SDK2: variants seen among roughly 807,000 people sequenced by gnomAD.
SDK2 encodes the protein protein sidekick-2.
Under a neutral mutation model 253.9 loss-of-function variants are expected in SDK2, and 105 were observed. The ratio of observed to expected loss-of-function variants is 0.41; its 90% confidence interval spans 0.35 to 0.49. The LOEUF is 0.49. Among genes scored for constraint, SDK2 ranks in the 20% least tolerant of loss-of-function variants. SDK2 has a pLI of 0.06. For synonymous variants in SDK2, 1,249 were observed against 1,234.9 expected (o/e 1.01, Z -0.24); for missense variants, 2,608 against 3,003.0 (o/e 0.87, Z 3.07).
At chr17:73,590,695 A>C (rs1442649141) in intron 1 of SDK2, among the ~76,000 whole-genome samples, 2 of 152,192 alleles carry the variant, frequency 1.3e-5, no homozygotes, top group African/African-American at 4.8e-5. Flanking sequence ...CCCTGGGCCC[A>C]TCCAGAACAT....
Position 73,401,780 on chromosome 17 carries a change from C to CA in SDK2, c.2681-29_2681-28insT, listed in dbSNP as rs200470291. 20 of 1,548,318 alleles carry CA rather than the reference C, an allele frequency of 1.3e-5. No homozygotes were observed. In the East Asian group the frequency reaches 4.3e-4, roughly 33 times the overall value. ...GCACCCCAAAAGGAACCCCCACCCC[C>CA]CAAGGCCAGTTAGAGCCAGAGAGAG... On this transcript the variant is annotated intron_variant, in intron 19 of 44. Transcript: ENST00000392650.
In SDK2 at chr17:73,642,628, C is replaced by T. The variant is rs2046412137; in HGVS notation, c.64+1397G>A. 6.6e-6 allele frequency among the ~76,000 whole-genome samples: 1 copy of T among 152,142 alleles called. No homozygotes were observed. Among genetic ancestry groups the T allele is most frequent in the Non-Finnish European group, 1.5e-5 (1 of 68,024 alleles). On this transcript the variant is annotated intron_variant, in intron 1 of 44. Transcript: ENST00000392650. This position sits in a 1 kb window ranked among gnomAD's most constrained non-coding sequence, Gnocchi z 4.7. ...CCCCAGATCACAGAGTGGCCTTGGG[C>T]AAGTCATTTAATGCCATTTGGCCTC...
chr17:73,401,796 C>T, intron 19 of SDK2, 44 bp from the exon 20 acceptor site: 1 of 1,517,814 alleles, frequency 6.6e-7, no homozygotes, highest in Non-Finnish European at 9.0e-7. Flanking sequence ...CCAGTTAGAG[C>T]CAGAGAGAGA....
rs1568356151 is a variant in SDK2 at position 73,339,213 on chromosome 17, G to GTTTTTTTTGTTTTTTTTTTTTT, written c.6166-274_6166-273insAAAAAAAAAAAAACAAAAAAAA. On this transcript the variant is annotated intron_variant, in intron 44 of 44. Transcript: ENST00000392650. ...TACCTGATAGAATCAGAAGACCTGAGTTTTTTTTTGTTTTTGTTTTTGTTT... is the reference window on the plus strand; with the variant it reads ...TACCTGATAGAATCAGAAGACCTGAGTTTTTTTTGTTTTTTTTTTTTTTTTTTTTTTGTTTTTGTTTTTGTTT... 2.4e-5 allele frequency among the ~76,000 whole-genome samples: 3 copies of GTTTTTTTTGTTTTTTTTTTTTT among 127,608 alleles called. 1 individual carries two copies. The highest frequency in any genetic ancestry group is 1.8e-4 in the Admixed American group (2 of 11,280). 83.7% of individuals were successfully genotyped at this position (127,608 alleles called of 152,430 possible).
intron 2 of SDK2, chr17:73,504,473 A>T (rs1284862729): frequency 6.9e-6 from 1 of 144,472 alleles, no homozygotes; most frequent in African/African-American, 2.5e-5. Context: ...TAAAAAAAAA[A>T]TACGAAAAAT....
intron 1 of SDK2, among the ~76,000 whole-genome samples, chr17:73,575,186 C>T (rs2045441623): frequency 6.6e-6 from 1 of 152,198 alleles, no homozygotes; most frequent in Non-Finnish European, 1.5e-5. Context: ...GCTCCCTGGG[C>T]TCCAGGCTCC....
chr17:73,638,802 C>CAA, intron 1 of SDK2, among the ~76,000 whole-genome samples: 1 of 125,498 alleles, frequency 8.0e-6, no homozygotes. Flanking sequence ...AGGTAGATAA[C>CAA]AGTCTTTTTT....
intron 5 of SDK2, among the ~76,000 whole-genome samples, chr17:73,446,266 C>T (rs2063452484): frequency 6.6e-6 from 1 of 152,164 alleles, no homozygotes; most frequent in Non-Finnish European, 1.5e-5. Flanking sequence ...ATTCCCTTCT[C>T]CTATAGAAAC....
In SDK2 at chr17:73,361,875, G is replaced by C; in HGVS notation, c.5306-30C>G. ...GGGAGGCACAGCAAGTGGGGACTGG[G>C]CACAGGGCCCACCGAGGGCACTGGA... On this transcript the variant is annotated intron_variant, in intron 38 of 44. Coordinates refer to ENST00000392650, the MANE Select transcript of SDK2 (RefSeq NM_001144952.2). The surrounding 1 kb of genome is among the most constrained non-coding windows in gnomAD (Gnocchi z 4.1). 1 of 1,547,714 alleles carries C rather than the reference G, an allele frequency of 6.5e-7. No homozygotes were observed. The highest frequency in any genetic ancestry group is 8.8e-7 in the Non-Finnish European group (1 of 1,139,096).
intron 1 of SDK2, among the ~76,000 whole-genome samples, chr17:73,578,108 G>A (rs1470840689): frequency 6.7e-6 from 1 of 150,238 alleles, no homozygotes; most frequent in Non-Finnish European, 1.5e-5. Context: ...CACCCAGGCT[G>A]GAGTGCAATG....
Position 73,456,038 on chromosome 17 carries a change from T to C in SDK2, c.347A>G (p.Glu116Gly), listed in dbSNP as rs1229004725. 14 of 1,517,616 alleles carry C rather than the reference T, an allele frequency of 9.2e-6. No individual in the cohort carries two copies. In the East Asian group the frequency reaches 3.3e-4, roughly 36 times the overall value. 94.0% of individuals were successfully genotyped at this position (1,517,616 alleles called of 1,614,324 possible). Reference sequence around the variant, plus strand: ...GACGCTCTGGTGCTTCTCACCTTCCTCAAAGCTCCCCATGTCTGCAGCCGG... The same window carrying C: ...GACGCTCTGGTGCTTCTCACCTTCCCCAAAGCTCCCCATGTCTGCAGCCGG... ...EVQVAYMGSF[E>G]EGEKHQSVSH... Residue 116 changes from glutamate to glycine, a missense_variant, in exon 4 of 45, where the codon GAG (glutamate) becomes GGG (glycine). By Grantham distance (98) the Glu-to-Gly change is moderately conservative. Transcript: ENST00000392650.
intron 24 of SDK2, among the ~76,000 whole-genome samples, chr17:73,396,726 C>A (rs2062973877): frequency 6.6e-6 from 1 of 152,226 alleles, no homozygotes. Flanking sequence ...CCATGCAGTC[C>A]CTGCCCTCCG....
intron 18 of SDK2, among the ~76,000 whole-genome samples, chr17:73,406,753 A>G (rs1432610906): frequency 1.3e-5 from 2 of 152,252 alleles, no homozygotes; most frequent in Non-Finnish European, 2.9e-5. Flanking sequence ...AATCAAAACC[A>G]CAATGAAGCA....
In SDK2 at chr17:73,431,744, G is replaced by A; in HGVS notation, c.1313-75C>T. 5 of 1,423,682 alleles carry A rather than the reference G, an allele frequency of 3.5e-6. No individual in the cohort carries two copies. Among genetic ancestry groups the A allele is most frequent in the Non-Finnish European group, 4.7e-6 (5 of 1,074,296 alleles). The allele number at this position is 1,423,682 out of a possible 1,614,324, so 88.2% of individuals were successfully genotyped here. Reference sequence around the variant, plus strand: ...CCTGCCCTTCCCTGGCCGCTCCAGGGCAGCATGGTCCCCCCACAGGCCCCT... The same window carrying A: ...CCTGCCCTTCCCTGGCCGCTCCAGGACAGCATGGTCCCCCCACAGGCCCCT... On this transcript the variant is annotated intron_variant, in intron 10 of 44. Transcript: ENST00000392650. This position sits in a 1 kb window ranked among gnomAD's most constrained non-coding sequence, Gnocchi z 5.6.
At chr17:73,634,892 T>C (rs573326850) in intron 1 of SDK2, among the ~76,000 whole-genome samples, 1 of 152,256 alleles carries the variant, frequency 6.6e-6, no homozygotes, top group East Asian at 1.9e-4. Flanking sequence ...ATGAAGAAAC[T>C]GAGGCATAGA....
At chr17:73,458,964 G>T (rs1442400741) in intron 3 of SDK2, among the ~76,000 whole-genome samples, 2 of 152,068 alleles carry the variant, frequency 1.3e-5, no homozygotes, top group African/African-American at 4.8e-5. Flanking sequence ...AGATGGGGTC[G>T]TTGTACTCCA....
chr17:73,407,348 G>A (rs2063087567), intron 18 of SDK2, among the ~76,000 whole-genome samples: 1 of 152,138 alleles, frequency 6.6e-6, no homozygotes, highest in South Asian at 2.1e-4. Context: ...CCATCAAGTC[G>A]AAGAGGCCAA....
At chr17:73,620,305 G>A (rs1438867421) in intron 1 of SDK2, among the ~76,000 whole-genome samples, 3 of 152,058 alleles carry the variant, frequency 2.0e-5, no homozygotes, top group Non-Finnish European at 4.4e-5. Flanking sequence ...AGTCATCAGG[G>A]AAATACAAAT....
rs550671848 is a variant in SDK2, at chr17:73,455,208, G to A, written c.479+698C>T. 1.3e-5 allele frequency among the ~76,000 whole-genome samples: 2 copies of A among 152,246 alleles called. No individual in the cohort carries two copies. Among genetic ancestry groups the A allele is most frequent in the African/African-American group, 4.8e-5 (2 of 41,560 alleles). On this transcript the variant is annotated intron_variant, in intron 4 of 44. Transcript: ENST00000392650. The surrounding 1 kb of genome is among the most constrained non-coding windows in gnomAD (Gnocchi z 5.0). ...GGGAGAGCTGGAGTTGGAAAGAGGA[G>A]AGCCCCAGCTGCCTCCAGACCCGGG...
Sources: gnomAD v4.1 joint callset for allele counts (sites outside exome capture counted in the v4.1 genomes callset) on GRCh38, gnomAD v4.1.1 for gene constraint, Gnocchi (gnomAD v3.1) non-coding constraint, MANE v1.5 for transcripts, NCBI Gene and HGNC (gene_info 2026-07-23, HGNC 2026-07-21) for gene names.